Variants in DGKD observed in about 807,000 individuals in gnomAD.
DGKD encodes diacylglycerol kinase delta.
In DGKD, 68 loss-of-function variants were observed where a neutral mutation model predicts 154.4. That is an observed-to-expected ratio of 0.44 (90% CI 0.36 to 0.54). The LOEUF is 0.54. DGKD is among the 20% of genes least tolerant of loss of function. The pLI is 0.00. For missense variants in DGKD, 1,343 were observed against 1,593.6 expected, an observed-to-expected ratio of 0.84 and a Z score of 2.68; for synonymous variants, 693 against 638.0, an observed-to-expected ratio of 1.09 and a Z score of -1.30.
intron 1 of DGKD, among the ~76,000 whole-genome samples, chr2:233,377,158 C>G (rs569378618): frequency 6.7e-6 from 1 of 149,592 alleles, no homozygotes; most frequent in African/African-American, 2.5e-5. Flanking sequence ...TCTCGGCTCA[C>G]TTCAACCTCC....
At chr2:233,370,952 G>C (rs1018016436) in intron 1 of DGKD, among the ~76,000 whole-genome samples, 8 of 152,002 alleles carry the variant, frequency 5.3e-5, no homozygotes, top group African/African-American at 1.9e-4. Context: ...AGGTCTTGCT[G>C]TGTTATCCAG....
intron 12 of DGKD, chr2:233,447,758 G>A (rs868689974): frequency 2.0e-5 from 22 of 1,112,488 alleles, no homozygotes; most frequent in African/African-American, 5.0e-5. Context: ...ACCTGGAGCC[G>A]ACCCGCCAGC....
At chr2:233,383,607 C>T (rs925728424) in intron 1 of DGKD, among the ~76,000 whole-genome samples, 1 of 152,180 alleles carries the variant, frequency 6.6e-6, no homozygotes, top group African/African-American at 2.4e-5. Flanking sequence ...AGTTCTTCTG[C>T]CTTTTGCTGT....
intron 3 of DGKD, among the ~76,000 whole-genome samples, chr2:233,430,079 A>G (rs2062458742): frequency 6.6e-6 from 1 of 152,260 alleles, no homozygotes; most frequent in African/African-American, 2.4e-5. Context: ...TAAATAACAT[A>G]TTTTGTTTTT....
intron 3 of DGKD, among the ~76,000 whole-genome samples, chr2:233,408,060 T>C (rs1559512155): frequency 6.6e-6 from 1 of 151,728 alleles, no homozygotes; most frequent in African/African-American, 2.4e-5. Flanking sequence ...TTTTTTTTTT[T>C]TCAGATGAGT....
At chr2:233,360,360 C>G (rs1340319688) in intron 1 of DGKD, among the ~76,000 whole-genome samples, 2 of 152,162 alleles carry the variant, frequency 1.3e-5, no homozygotes, top group African/African-American at 4.8e-5. Flanking sequence ...AGGCAATCCT[C>G]CTGCCTCAGC....
chr2:233,445,700 C>T lies in DGKD; in HGVS notation c.1272C>T (p.Asp424=), dbSNP rs773601075. The T allele has an allele frequency of 1.8e-5, 29 of 1,613,368 alleles. No homozygotes were observed. Among genetic ancestry groups the T allele is most frequent in the South Asian group, 2.2e-5 (2 of 90,938 alleles). ...TGGGCTGGGGCTCAGCCTGCGATGA[C>T]GACACCCAGCTCCCCCAGATCTTGG... ...RVLGWGSACD[D]DTQLPQILEK... is the part of the protein sequence containing the mutation. The change falls in exon 11 of 30, where the codon GAC becomes GAT. Residue 424 remains aspartate, a synonymous_variant. Transcript: ENST00000264057. This position sits in a 1 kb window ranked among gnomAD's most constrained non-coding sequence, Gnocchi z 5.5.
Position 233,447,994 on chromosome 2 carries a change from G to T in DGKD, c.1420-93G>T, listed in dbSNP as rs1005575427. 7 of 1,582,604 alleles carry T rather than the reference G, an allele frequency of 4.4e-6. No individual in the cohort carries two copies. In the South Asian group the frequency reaches 6.9e-5, roughly 16 times the overall value. ...GAGAGACTCATCTTTCCCAGCTTGT[G>T]CTGGCAAGGAAGTGGCTGACAGAGT... On this transcript the variant is annotated intron_variant, in intron 12 of 29. Coordinates refer to ENST00000264057, the MANE Select transcript of DGKD (RefSeq NM_152879.3).
Position 233,440,790 on chromosome 2 carries a change from A to G in DGKD, c.1086-1097A>G, listed in dbSNP as rs913455517. 6.6e-6 allele frequency among the ~76,000 whole-genome samples: 1 copy of G among 152,176 alleles called. No homozygotes were observed. The highest frequency in any genetic ancestry group is 2.4e-5 in the African/African-American group (1 of 41,442). On this transcript the variant is annotated intron_variant, in intron 9 of 29. Transcript: ENST00000264057. This position sits in a 1 kb window ranked among gnomAD's most constrained non-coding sequence, Gnocchi z 4.9. ...CCGTGGCCAGGCTCGTGTTTTAGAA[A>G]GGTCTTCCTGGAACTCATGGGGAGC...
At chr2:233,450,836 C>T (rs1164821922) in intron 16 of DGKD, 86 bp from the exon 17 acceptor site, 1 of 1,527,304 alleles carries the variant, frequency 6.5e-7, no homozygotes, top group African/African-American at 1.4e-5. Flanking sequence ...CTCAGCCCTC[C>T]CACCTGCTCG....
rs1328173470 is a variant in DGKD, at chr2:233,438,754, T to TCATC, written c.1085+376_1085+379dup. 1.2e-4 allele frequency among the ~76,000 whole-genome samples: 10 copies of TCATC among 83,488 alleles called. No individual in the cohort carries two copies. In the East Asian group the frequency reaches 1.6e-3, roughly 14 times the overall value. 54.8% of individuals were successfully genotyped at this position (83,488 alleles called of 152,430 possible). ...AATTTTTTATTTATCTGTCTATCTA[T>TCATC]CATCTATCTATCTATCTATCTATCT... is the stretch of plus-strand genomic sequence containing the variant. On this transcript the variant is annotated intron_variant, in intron 9 of 29. Transcript: ENST00000264057. This position sits in a 1 kb window ranked among gnomAD's most constrained non-coding sequence, Gnocchi z 4.1.
intron 1 of DGKD, among the ~76,000 whole-genome samples, chr2:233,363,820 C>T (rs1171962344): frequency 6.6e-6 from 1 of 152,222 alleles, no homozygotes; most frequent in Non-Finnish European, 1.5e-5. Context: ...GTGATGTGCT[C>T]TATGGGTTTG....
chr2:233,462,586 C>CCTAACCGT, intron 25 of DGKD, 57 bp from the exon 26 acceptor site: 1 of 1,575,190 alleles, frequency 6.3e-7, no homozygotes, highest in African/African-American at 1.3e-5. Context: ...GTTCCCTGCC[C>CCTAACCGT]CTAACCGTGC....
In DGKD at chr2:233,434,502, C is replaced by T. The variant is rs752549994; in HGVS notation, c.453+18C>T. The T allele has an allele frequency of 1.9e-6, 3 of 1,608,108 alleles. No homozygotes were observed. The highest frequency in any genetic ancestry group is 1.7e-6 in the Non-Finnish European group (2 of 1,174,676). ...ACTTTGAGGTTAAAAAAGAAAATACCCTTCTCCAAATGCCTCCTGTTGCCT... is the reference window on the plus strand; with the variant it reads ...ACTTTGAGGTTAAAAAAGAAAATACTCTTCTCCAAATGCCTCCTGTTGCCT... On this transcript the variant is annotated intron_variant, in intron 4 of 29. Transcript: ENST00000264057.
At chr2:233,422,353 C>G (rs1182505718) in intron 3 of DGKD, among the ~76,000 whole-genome samples, 1 of 152,226 alleles carries the variant, frequency 6.6e-6, no homozygotes, top group Non-Finnish European at 1.5e-5. Flanking sequence ...CTTGTGCAGG[C>G]TCAAGTACCC....
intron 14 of DGKD, among the ~76,000 whole-genome samples, chr2:233,448,625 C>T (rs1390961899): frequency 6.6e-6 from 1 of 152,264 alleles, no homozygotes; most frequent in Non-Finnish European, 1.5e-5. Context: ...GACACAGAAT[C>T]TTCTTGGGTC....
Position 233,469,806 on chromosome 2 carries a change from T to G in DGKD, c.*346T>G, listed in dbSNP as rs2063951872. The stretch of plus-strand genomic sequence containing the variant: ...TCTGGCCTCCTGGGCACTGCTTGCC[T>G]GGCCTCGTGCTTGGATTGTCCCGGG... On this transcript the variant is annotated 3_prime_UTR_variant, in exon 30 of 30. Coordinates refer to ENST00000264057, the MANE Select transcript of DGKD (RefSeq NM_152879.3). The G allele has an allele frequency of 3.9e-6, 1 of 256,308 alleles. No individual in the cohort carries two copies. The highest frequency in any genetic ancestry group is 5.0e-5 in the Admixed American group (1 of 19,862). The allele number at this position is 256,308 out of a possible 1,614,324, so 15.9% of individuals were successfully genotyped here.
At chr2:233,419,161 C>G (rs1187568072) in intron 3 of DGKD, 7 of 953,496 alleles carry the variant, frequency 7.3e-6, no homozygotes, top group Non-Finnish European at 8.7e-6. Context: ...GCCACCTTTC[C>G]AAGCGCTGCA....
At chr2:233,385,901 T>C (rs778610947) in intron 1 of DGKD, 4 of 381,742 alleles carry the variant, frequency 1.0e-5, no homozygotes, top group Non-Finnish European at 2.0e-5. Context: ...CCAGTCTTTT[T>C]CTGAGCACTC....
Sources: allele counts gnomAD v4.1 joint callset (sites outside exome capture counted in the v4.1 genomes callset), GRCh38; gene constraint gnomAD v4.1.1; non-coding constraint Gnocchi (gnomAD v3.1); transcripts MANE v1.5; gene names NCBI Gene and HGNC (gene_info 2026-07-23, HGNC 2026-07-21).